The following OPN3 variants were observed in gnomAD, a reference collection of about 807,000 sequenced individuals.
The protein encoded by OPN3 is opsin 3.
In OPN3, 29 loss-of-function variants were observed where a neutral mutation model predicts 33.8. The ratio of observed to expected loss-of-function variants is 0.86; its 90% CI spans 0.64 to 1.17. The LOEUF (loss-of-function observed/expected upper bound fraction) is 1.17, where lower values mean the gene tolerates loss of function less well. OPN3 is among the 50% of genes most tolerant of loss of function. The probability of loss-of-function intolerance (pLI) is 0.00; values close to 1 mark genes in which losing one functional copy is unlikely to be tolerated. For missense variants in OPN3, 437 were observed against 514.1 expected (o/e 0.85, Z 1.45); for synonymous variants, 216 against 216.1 (o/e 1.00, Z 0.00).
At chr1:241,639,172 T>C (rs1665015680) in intron 1 of OPN3, 1 of 152,350 alleles carries the variant, frequency 6.6e-6, no homozygotes, top group East Asian at 1.9e-4. Context: ...CTAATTACAG[T>C]ATTTGTTCAC....
intron 1 of OPN3, chr1:241,630,043 T>C (rs1664565198): frequency 6.6e-6 from 1 of 152,118 alleles, no homozygotes; most frequent in Non-Finnish European, 1.5e-5. Context: ...AATTTCATAC[T>C]AATGTCACAT....
At position 241,633,994 on chromosome 1, in the gene OPN3, C is replaced by T. The variant is rs553907341; in HGVS notation, c.373+5888G>A. On this transcript the variant is annotated intron_variant, in intron 1 of 3. Coordinates refer to ENST00000366554, the MANE Select transcript of OPN3 (RefSeq NM_014322.3). ...TCTCCTGGAAAAGTGTTTCAGCTTG[C>T]TTGACAGCATGCTCATTTCCCAGGC... 53 of 1,613,926 alleles carry T rather than the reference C, an allele frequency of 3.3e-5. 1 individual carries two copies. In the South Asian group the frequency reaches 5.3e-4, roughly 16 times the overall value.
intron 2 of OPN3, among the ~76,000 whole-genome samples, chr1:241,602,393 C>T (rs533552627): frequency 2.6e-5 from 4 of 152,070 alleles, no homozygotes; most frequent in Admixed American, 1.3e-4. Context: ...AGTGGCAGTG[C>T]GGTAGAGGAA....
At chr1:241,634,067 T>C (rs746696994) in intron 1 of OPN3, 11 of 1,612,394 alleles carry the variant, frequency 6.8e-6, no homozygotes, top group African/African-American at 2.7e-5. Flanking sequence ...CAAGCCATTA[T>C]ACGAGCTTCT....
intron 1 of OPN3, among the ~76,000 whole-genome samples, chr1:241,626,759 T>C (rs1469182596): frequency 6.6e-6 from 1 of 152,198 alleles, no homozygotes; most frequent in African/African-American, 2.4e-5. Context: ...GGGTAATATT[T>C]ACTTTTATGT....
At chr1:241,616,222 G>A (rs1664121443) in intron 1 of OPN3, among the ~76,000 whole-genome samples, 1 of 152,002 alleles carries the variant, frequency 6.6e-6, no homozygotes. Flanking sequence ...CCCCAATAAA[G>A]CATTAGCATA....
At chr1:241,606,220 G>T (rs1022424634) in intron 1 of OPN3, among the ~76,000 whole-genome samples, 1 of 152,162 alleles carries the variant, frequency 6.6e-6, no homozygotes, top group Non-Finnish European at 1.5e-5. Flanking sequence ...CGAATGTGAG[G>T]CGTGAGGGGC....
chr1:241,640,335 T>C lies in OPN3; in HGVS notation c.-81A>G. The C allele has an allele frequency of 2.8e-6, 3 of 1,069,568 alleles. No homozygotes were observed. The highest frequency in any genetic ancestry group is 4.5e-5 in the South Asian group (1 of 22,086). The allele number at this position is 1,069,568 out of a possible 1,614,324, so 66.3% of individuals were successfully genotyped here. On this transcript the variant is annotated 5_prime_UTR_variant, in exon 1 of 4. Coordinates refer to ENST00000366554, the MANE Select transcript of OPN3 (RefSeq NM_014322.3). Reference sequence around the variant, plus strand: ...CGGCGCGCTCCGCACTGGGTGGGGTTGGGGCTCCGCCGCCTGCTCTAGCCA... The same window carrying C: ...CGGCGCGCTCCGCACTGGGTGGGGTCGGGGCTCCGCCGCCTGCTCTAGCCA...
At chr1:241,637,775 C>CCGCACAATGCATGAGT (rs372964690) in intron 1 of OPN3, among the ~76,000 whole-genome samples, 33 of 152,128 alleles carry the variant, frequency 2.2e-4, no homozygotes, top group African/African-American at 6.3e-4. Context: ...TTGAGAAAGC[C>CCGCACAATGCATGAGT]CGCACAATGC....
chr1:241,634,688 G>A, intron 1 of OPN3: 2 of 1,614,020 alleles, frequency 1.2e-6, no homozygotes, highest in Non-Finnish European at 1.7e-6. Context: ...GAAGTTTTTA[G>A]TTGCGTTAAG....
At chr1:241,597,452 A>G (rs1356426096) in intron 3 of OPN3, among the ~76,000 whole-genome samples, 1 of 152,198 alleles carries the variant, frequency 6.6e-6, no homozygotes, top group East Asian at 1.9e-4. Flanking sequence ...GGAATTTTAA[A>G]TGTATTATTA....
At position 241,608,993 on chromosome 1, in the gene OPN3, GAATT is replaced by G. The variant is rs761415155; in HGVS notation, c.374-4418_374-4415del. 9.2e-5 allele frequency among the ~76,000 whole-genome samples: 14 copies of G among 152,284 alleles called. No individual in the cohort carries two copies. The South Asian group carries it at 2.9e-3, about 32-fold the overall frequency. Reference sequence around the variant, plus strand: ...ACTAACAAATTTTGGTCTTGAGTTGGAATTAATTGCTGTATTTTATTTGATTCCC... The same window carrying G: ...ACTAACAAATTTTGGTCTTGAGTTGGAATTGCTGTATTTTATTTGATTCCC... On this transcript the variant is annotated intron_variant, in intron 1 of 3. Transcript: ENST00000366554.
At position 241,603,054 on chromosome 1, in the gene OPN3, T is replaced by TAAAGGG. The variant is rs570987900; in HGVS notation, c.693+1200_693+1205dup. ...AAAACAAAATAGCCTGGTAATATGC[T>TAAAGGG]AAAGGGAAAGGGCCAGTGGTAAGGG... On this transcript the variant is annotated intron_variant, in intron 2 of 3. Coordinates refer to ENST00000366554, the MANE Select transcript of OPN3 (RefSeq NM_014322.3). Among the ~76,000 whole-genome samples, 62 of 151,836 alleles carry TAAAGGG rather than the reference T, an allele frequency of 4.1e-4. 1 individual carries two copies. The East Asian group carries it at 0.011, about 27-fold the overall frequency.
intron 1 of OPN3, among the ~76,000 whole-genome samples, chr1:241,620,256 C>CATT (rs61251787): frequency 0.75 from 113,520 of 151,852 alleles, 42,965 homozygotes; most frequent in African/African-American, 0.87. Flanking sequence ...GAGCCACAAA[C>CATT]ATTTAAATTT....
chr1:241,635,389 C>A, intron 1 of OPN3: 1 of 1,613,962 alleles, frequency 6.2e-7, no homozygotes, highest in South Asian at 1.1e-5. Flanking sequence ...TATTAGACAC[C>A]CCCAAAGAAG....
intron 2 of OPN3, 145 bp from the exon 3 acceptor site, chr1:241,598,142 G>A: frequency 1.1e-6 from 1 of 890,094 alleles, no homozygotes; most frequent in East Asian, 2.6e-5. Flanking sequence ...GCTGACTTCT[G>A]ATCCAAGACT....
Position 241,597,874 on chromosome 1 carries a change from C to T in OPN3, c.817G>A (p.Val273Met), listed in dbSNP as rs200854997. The T allele has an allele frequency of 2.7e-5, 43 of 1,613,674 alleles. No homozygotes were observed. The highest frequency in any genetic ancestry group is 3.3e-5 in the Admixed American group (2 of 59,956). Residue 273 changes from valine (V) to methionine (M), a missense_variant, in exon 3 of 4, where the codon GTG becomes ATG. Val to Met is a conservative substitution (Grantham distance 21). Transcript: ENST00000366554. ...TFLVCWMPYI[V>M]ICFLVVNGHG... ...CCATTAACCACCAAGAAGCAGATCA[C>T]GATATAAGGCATCCAACAGACCAGG...
Position 241,594,368 on chromosome 1 carries a change from A to G in OPN3, c.*60T>C. On this transcript the variant is annotated 3_prime_UTR_variant, in exon 4 of 4. Coordinates refer to ENST00000366554, the MANE Select transcript of OPN3 (RefSeq NM_014322.3). ...ACGGGTATTCCAGACACTTCTTATG[A>G]TGAAAGTCCAAAAGTGGCATCCAAT... is the stretch of plus-strand genomic sequence containing the variant. The G allele has an allele frequency of 6.4e-6, 10 of 1,553,550 alleles. No homozygotes were observed. Among genetic ancestry groups the G allele is most frequent in the Middle Eastern group, 1.7e-4 (1 of 5,716 alleles).
At chr1:241,600,200 C>A (rs1663644547) in intron 2 of OPN3, among the ~76,000 whole-genome samples, 1 of 152,164 alleles carries the variant, frequency 6.6e-6, no homozygotes, top group African/African-American at 2.4e-5. Flanking sequence ...ATCCCCAGTT[C>A]CTCTTTGGGA....
Sources: allele counts gnomAD v4.1 joint callset (sites outside exome capture counted in the v4.1 genomes callset), GRCh38; gene constraint gnomAD v4.1.1; transcripts MANE v1.5; gene names NCBI Gene and HGNC (gene_info 2026-07-23, HGNC 2026-07-21).